Variants in DBNL observed in about 807,000 individuals in gnomAD.
DBNL encodes drebrin-like protein.
In DBNL, 35 loss-of-function variants were observed where a neutral mutation model predicts 62.2. The ratio of observed to expected loss-of-function variants is 0.56; its 90% CI spans 0.43 to 0.75. The LOEUF is 0.75. DBNL is among the 30% of genes least tolerant of loss of function. The pLI is 0.00. For synonymous variants in DBNL, 197 were observed against 218.0 expected (o/e 0.90, Z 0.85); for missense variants, 495 against 578.4 (o/e 0.86, Z 1.48).
Position 44,060,847 on chromosome 7 carries a change from G to A in DBNL, c.1224G>A (p.Trp408Ter), listed in dbSNP as rs2128794802. 6.2e-7 allele frequency: 1 copy of A among 1,614,118 alleles called. No homozygotes were observed. The highest frequency in any genetic ancestry group is 1.1e-5 in the South Asian group (1 of 91,078). ...ITGIEVIDEG[W>*]WRGYGPDGHF... ...GCATCGAGGTGATCGACGAAGGCTG[G>A]TGGCGTGGCTATGGGCCGGATGGCC... is the stretch of plus-strand genomic sequence containing the variant. Residue 408 changes from tryptophan (W) to a stop codon, truncating the protein, a stop_gained, in exon 13 of 13, where the codon TGG (tryptophan) becomes TGA (stop). Transcript: ENST00000448521. LOFTEE classifies it high-confidence loss of function. The surrounding 1 kb of genome is among the most constrained non-coding windows in gnomAD (Gnocchi z 6.3).
intron 1 of DBNL, 60 bp from the exon 2 acceptor site, chr7:44,050,165 C>A: frequency 6.4e-7 from 1 of 1,568,376 alleles, no homozygotes; most frequent in Non-Finnish European, 8.8e-7. Context: ...ATGGTGGATA[C>A]GGTGAGGAGA....
chr7:44,049,650 C>T (rs182407941), intron 1 of DBNL, among the ~76,000 whole-genome samples: 16 of 152,322 alleles, frequency 1.1e-4, no homozygotes, highest in Admixed American at 1.0e-3. Flanking sequence ...CTGATAAACA[C>T]AACCTGTGGT....
chr7:44,065,598 T>C lies in DBNL; in HGVS notation c.*4682T>C. 4 of 1,478,470 alleles carry C rather than the reference T, an allele frequency of 2.7e-6. No homozygotes were observed. The highest frequency in any genetic ancestry group is 9.4e-7 in the Non-Finnish European group (1 of 1,065,116). 91.6% of individuals were successfully genotyped at this position (1,478,470 alleles called of 1,614,324 possible). ...CTTCCCAACACTCCCAGCTTTATAATAGTGTCTTCCCAGCCCCCACCCACC... is the reference window on the plus strand; with the variant it reads ...CTTCCCAACACTCCCAGCTTTATAACAGTGTCTTCCCAGCCCCCACCCACC... On this transcript the variant is annotated 3_prime_UTR_variant, in exon 13 of 13. Transcript: ENST00000448521.
Position 44,053,015 on chromosome 7 carries a change from A to G in DBNL, c.327+74A>G. On this transcript the variant is annotated intron_variant, in intron 4 of 12. Coordinates refer to ENST00000448521, the MANE Select transcript of DBNL (RefSeq NM_001014436.3). ...GAGGTCTCGCAGGTTCCTGGGTGCG[A>G]GCAAGTGGGAATCAGAACTGGAGTT... 1.9e-6 allele frequency: 3 copies of G among 1,544,236 alleles called. No individual in the cohort carries two copies. In the South Asian group the frequency reaches 3.5e-5, roughly 18 times the overall value.
rs966696220 is a variant in DBNL, at chr7:44,064,336, T to C, written c.*3420T>C. On this transcript the variant is annotated 3_prime_UTR_variant, in exon 13 of 13. Transcript: ENST00000448521. ...CCCAGAGAGGGGCTCCAGAGGGAGA[T>C]AGGTGGTGAAGCTCATGCAGGGATT... The C allele has an allele frequency of 3.5e-5, 7 of 199,008 alleles. No individual in the cohort carries two copies. The highest frequency in any genetic ancestry group is 4.7e-5 in the African/African-American group (2 of 42,410). 12.3% of individuals were successfully genotyped at this position (199,008 alleles called of 1,614,324 possible).
At chr7:44,058,799 C>T in intron 8 of DBNL, 103 bp from the exon 9 acceptor site, 1 of 1,337,384 alleles carries the variant, frequency 7.5e-7, no homozygotes. Context: ...GCCCCACACT[C>T]ACCTTTGAGG....
At chr7:44,052,388 C>T (rs2096128163) in intron 3 of DBNL, among the ~76,000 whole-genome samples, 1 of 152,046 alleles carries the variant, frequency 6.6e-6, no homozygotes, top group South Asian at 2.1e-4. Context: ...GGTGGGTGGA[C>T]TGCCTGAGCT....
In DBNL at chr7:44,056,883, G is replaced by T. The variant is rs61735009; in HGVS notation, c.454G>T (p.Val152Leu). The change falls in exon 5 of 13, where the codon GTG becomes TTG. Residue 152 changes from valine to leucine, a missense_variant. Transcript: ENST00000448521. ...CAAGGAGAGTGGCCGCTTCCAGGACGTGGGACCCCAGGCCCCAGTGGTGAG... is the reference window on the plus strand; with the variant it reads ...CAAGGAGAGTGGCCGCTTCCAGGACTTGGGACCCCAGGCCCCAGTGGTGAG... The part of the protein sequence containing the change: ...FHKESGRFQD[V>L]GPQAPVGSVY... 6.2e-7 allele frequency: 1 copy of T among 1,614,018 alleles called. No individual in the cohort carries two copies. Among genetic ancestry groups the T allele is most frequent in the South Asian group, 1.1e-5 (1 of 91,086 alleles).
intron 8 of DBNL, 193 bp downstream of exon 8, chr7:44,058,673 C>T (rs1223129153): frequency 2.3e-6 from 2 of 862,366 alleles, no homozygotes; most frequent in East Asian, 2.7e-5. Context: ...GCTTGGACCA[C>T]ACCTGGTCCT....
chr7:44,056,760 G>A lies in DBNL; in HGVS notation c.331G>A (p.Ala111Thr). Residue 111 changes from alanine to threonine, a missense_variant, in exon 5 of 13, where the codon GCC (alanine) becomes ACC (threonine). Transcript: ENST00000448521. ...TCAAGTGCTGCTCCTGCTGCAGGGG[G>A]CCCATGTGACCATCAACGCACGGGC... Reference protein sequence around the residue: ...VSTMASFLKGAHVTINARAEE... With the variant: ...VSTMASFLKGTHVTINARAEE... 6.2e-7 allele frequency: 1 copy of A among 1,613,906 alleles called. No homozygotes were observed. The highest frequency in any genetic ancestry group is 8.5e-7 in the Non-Finnish European group (1 of 1,180,020).
chr7:44,052,763 T>G, intron 3 of DBNL, 104 bp from the exon 4 acceptor site: 4 of 1,341,526 alleles, frequency 3.0e-6, no homozygotes, highest in Non-Finnish European at 3.1e-6. Flanking sequence ...CTTTGGGGGT[T>G]GCAGTTTTCT....
intron 4 of DBNL, among the ~76,000 whole-genome samples, chr7:44,055,836 G>C (rs533582473): frequency 6.6e-6 from 1 of 152,272 alleles, no homozygotes; most frequent in South Asian, 2.1e-4. Flanking sequence ...ATAGTTTGAA[G>C]ATATTTTCTC....
Position 44,065,780 on chromosome 7 carries a change from A to G in DBNL, c.*4864A>G, listed in dbSNP as rs1191805251. 5.2e-6 allele frequency: 3 copies of G among 573,784 alleles called. No homozygotes were observed. The highest frequency in any genetic ancestry group is 3.7e-5 in the African/African-American group (2 of 53,478). 35.5% of individuals were successfully genotyped at this position (573,784 alleles called of 1,614,324 possible). On this transcript the variant is annotated 3_prime_UTR_variant, in exon 13 of 13. Transcript: ENST00000448521. ...TGGCCTGGGTTCAGGTGGCATGTCT[A>G]TAACCAGCTGGCACCCAGAGCCCAG...
chr7:44,058,333 G>T, intron 7 of DBNL, 53 bp downstream of exon 7: 1 of 1,595,256 alleles, frequency 6.3e-7, no homozygotes, highest in Non-Finnish European at 8.6e-7. Flanking sequence ...GCATTGCTGG[G>T]CACCTGCTCC....
chr7:44,044,907 G>GGAGCGC (rs1252080869), intron 1 of DBNL, 87 bp downstream of exon 1: 2 of 1,299,144 alleles, frequency 1.5e-6, no homozygotes, highest in African/African-American at 1.6e-5. Context: ...GGGGGGAGCG[G>GGAGCGC]GAGCGCGAGC....
chr7:44,065,540 G>A lies in DBNL; in HGVS notation c.*4624G>A. ...GCGGTGAGTGGCCATGGTGGCAGCA[G>A]GGACCACAGAGGACTCTGGACGGGG... On this transcript the variant is annotated 3_prime_UTR_variant, in exon 13 of 13. Transcript: ENST00000448521. 1 of 1,613,514 alleles carries A rather than the reference G, an allele frequency of 6.2e-7. No individual in the cohort carries two copies. Among genetic ancestry groups the A allele is most frequent in the Non-Finnish European group, 8.5e-7 (1 of 1,179,840 alleles).
rs2096152399 is a variant in DBNL at position 44,063,201 on chromosome 7, C to G, written c.*2285C>G. ...CTGTGGTGGTGCTGTCCATAGTTCC[C>G]TCAGCCCAGTGTGACTCCAGCCAGA... On this transcript the variant is annotated 3_prime_UTR_variant, in exon 13 of 13. Transcript: ENST00000448521. The G allele has an allele frequency of 1.9e-6, 1 of 513,324 alleles. No individual in the cohort carries two copies. Among genetic ancestry groups the G allele is most frequent in the Admixed American group, 3.1e-5 (1 of 31,890 alleles). 31.8% of individuals were successfully genotyped at this position (513,324 alleles called of 1,614,324 possible). A position where few individuals can be genotyped will look rare whatever the true frequency, so the allele number is the denominator to read the frequency against.
chr7:44,049,171 T>C (rs1387009547), intron 1 of DBNL, among the ~76,000 whole-genome samples: 1 of 152,056 alleles, frequency 6.6e-6, no homozygotes, highest in Non-Finnish European at 1.5e-5. Context: ...CTGTTCTTTT[T>C]TTTGAGATGG....
chr7:44,052,779 C>T (rs2096128883), intron 3 of DBNL, 88 bp from the exon 4 acceptor site: 1 of 1,510,630 alleles, frequency 6.6e-7, no homozygotes, highest in Admixed American at 1.9e-5. Flanking sequence ...TTTCTCTTTT[C>T]TGGGACACAG....
Sources: gnomAD v4.1 joint callset for allele counts (sites outside exome capture counted in the v4.1 genomes callset) on GRCh38, gnomAD v4.1.1 for gene constraint, Gnocchi (gnomAD v3.1) non-coding constraint, MANE v1.5 for transcripts, NCBI Gene and HGNC (gene_info 2026-07-23, HGNC 2026-07-21) for gene names.